Variants in GPANK1 observed in about 807,000 individuals in gnomAD.
GPANK1 encodes the protein G-patch domain and ankyrin repeats 1, also known as G patch domain and ankyrin repeat-containing protein 1.
Under a neutral mutation model 24.0 loss-of-function variants are expected in GPANK1, and 22 were observed. The ratio of observed to expected loss-of-function variants is 0.92; its 90% CI spans 0.66 to 1.31. GPANK1 has a LOEUF of 1.31. GPANK1 is among the 50% of genes most tolerant of loss of function. The pLI is 0.00. For synonymous variants in GPANK1, 174 were observed against 177.4 expected, an observed-to-expected ratio of 0.98 and a Z score of 0.15; for missense variants, 469 against 453.5, an observed-to-expected ratio of 1.03 and a Z score of -0.31.
chr6:31,665,033 G>A (rs1801455541), upstream of GPANK1: 2 of 280,898 alleles, frequency 7.1e-6, no homozygotes, highest in Non-Finnish European at 1.4e-5. Context: ...CAATCAAATA[G>A]CCACACGGCA....
rs377110820 is a variant in GPANK1 at position 31,664,440 on chromosome 6, A to G, written c.39T>C (p.Thr13=). 3.0e-5 allele frequency: 49 copies of G among 1,613,876 alleles called. No homozygotes were observed. In the Admixed American group the frequency reaches 8.0e-4, roughly 26 times the overall value. The change falls in exon 2 of 3, where the codon ACT becomes ACC. Residue 13 remains threonine (T), a synonymous_variant. Coordinates refer to ENST00000375896, the MANE Select transcript of GPANK1 (RefSeq NM_033177.4). ...CATCCTTCCAGAGGTCGCTGGGGTC[A>G]GTGGCTGGGGTGAAGGTGATGAGCA... is the stretch of plus-strand genomic sequence containing the variant. ...RPLLITFTPA[T]DPSDLWKDGQ...
upstream of GPANK1, chr6:31,666,132 G>A (rs1429325894): frequency 5.0e-6 from 5 of 993,326 alleles, no homozygotes; most frequent in Non-Finnish European, 6.0e-6. Context: ...TCCGCGGCCT[G>A]CGCTGTAGCG....
chr6:31,664,715 G>A, intron 1 of GPANK1, 126 bp downstream of exon 1: 1 of 543,354 alleles, frequency 1.8e-6, no homozygotes, highest in Non-Finnish European at 3.2e-6. Flanking sequence ...TTGCTCCTTA[G>A]TAAAGATTAA....
upstream of GPANK1, chr6:31,666,132 G>T (rs1429325894): frequency 1.1e-5 from 11 of 993,326 alleles, no homozygotes; most frequent in South Asian, 4.3e-5. Context: ...TCCGCGGCCT[G>T]CGCTGTAGCG....
At position 31,662,456 on chromosome 6, in the gene GPANK1, T is replaced by C. The variant is rs762415681; in HGVS notation, c.881A>G (p.Glu294Gly). The change falls in exon 3 of 3, where the codon GAA becomes GGA. Residue 294 changes from glutamate to glycine, a missense_variant. Glu to Gly is a moderately conservative substitution (Grantham distance 98, BLOSUM62 -2). Coordinates refer to ENST00000375896, the MANE Select transcript of GPANK1 (RefSeq NM_033177.4). The surrounding 1 kb of genome is among the most constrained non-coding windows in gnomAD (Gnocchi z 5.5). ...GGGTGCTGATCTGTAGCCTAGTCCTTCCTGGTCCCTCTTGAGGACAGTGGG... is the reference window on the plus strand; with the variant it reads ...GGGTGCTGATCTGTAGCCTAGTCCTCCCTGGTCCCTCTTGAGGACAGTGGG... ...PIPTVLKRDQ[E>G]GLGYRSAPQP... The C allele has an allele frequency of 6.2e-7, 1 of 1,611,724 alleles. No individual in the cohort carries two copies. Among genetic ancestry groups the C allele is most frequent in the South Asian group, 1.1e-5 (1 of 90,962 alleles).
Position 31,662,212 on chromosome 6 carries a change from T to C in GPANK1, c.*54A>G. ...GGAAGGGGAAGTCAAAGGGCCCAGG[T>C]CAGAGGCCCAAGTTCAGACTTCAGC... On this transcript the variant is annotated 3_prime_UTR_variant, in exon 3 of 3. Transcript: ENST00000375896. The surrounding 1 kb of genome is among the most constrained non-coding windows in gnomAD (Gnocchi z 5.5). 1 of 1,274,030 alleles carries C rather than the reference T, an allele frequency of 7.8e-7. No individual in the cohort carries two copies. The highest frequency in any genetic ancestry group is 1.1e-6 in the Non-Finnish European group (1 of 919,274). The allele number at this position is 1,274,030 out of a possible 1,614,324, so 78.9% of individuals were successfully genotyped here. A position where few individuals can be genotyped will look rare whatever the true frequency, so the allele number is the denominator to read the frequency against.
In GPANK1 at chr6:31,664,222, T is replaced by G. The variant is rs1426703494; in HGVS notation, c.257A>C (p.Glu86Ala). 1 of 1,614,008 alleles carries G rather than the reference T, an allele frequency of 6.2e-7. No homozygotes were observed. The highest frequency in any genetic ancestry group is 2.2e-5 in the East Asian group (1 of 44,894). ...TTGTCCATGTCTTCCTGATGCTCCT[T>G]CTGCCACTGCTTCTGCTGCTGGTGC... ...MKAPAAEAVAEGASGRHGQGR... is the reference protein window; with the variant it reads ...MKAPAAEAVAAGASGRHGQGR... The change falls in exon 2 of 3, where the codon GAA (glutamate) becomes GCA (alanine). Residue 86 changes from glutamate (E) to alanine (A), a missense_variant. Transcript: ENST00000375896.
At chr6:31,666,219 A>G, upstream of GPANK1, 1 of 989,526 alleles carries the variant, frequency 1.0e-6, no homozygotes, top group Non-Finnish European at 1.2e-6. Flanking sequence ...GTGAGTCTGA[A>G]GTCGTCGCTG....
chr6:31,666,028 C>A, upstream of GPANK1: 1 of 997,648 alleles, frequency 1.0e-6, no homozygotes, highest in Non-Finnish European at 1.2e-6. Flanking sequence ...CGGCATCCAC[C>A]GCGGCACCTG....
In GPANK1 at chr6:31,662,854, C is replaced by T. The variant is rs774972709; in HGVS notation, c.627-144G>A. The T allele has an allele frequency of 3.6e-6, 2 of 550,554 alleles. No homozygotes were observed. Among genetic ancestry groups the T allele is most frequent in the Non-Finnish European group, 3.2e-6 (1 of 315,590 alleles). 34.1% of individuals were successfully genotyped at this position (550,554 alleles called of 1,614,324 possible). ...ATTGCCAGCTAGGCATAGTGGCTCACGCCTGTAATCCCAACACTTTGGGAG... is the reference window on the plus strand; with the variant it reads ...ATTGCCAGCTAGGCATAGTGGCTCATGCCTGTAATCCCAACACTTTGGGAG... On this transcript the variant is annotated intron_variant, in intron 2 of 2. Coordinates refer to ENST00000375896, the MANE Select transcript of GPANK1 (RefSeq NM_033177.4). This position sits in a 1 kb window ranked among gnomAD's most constrained non-coding sequence, Gnocchi z 5.5.
Position 31,661,871 on chromosome 6 carries a change from T to C in GPANK1, c.*395A>G, listed in dbSNP as rs868480571. The C allele has an allele frequency of 4.9e-6, 1 of 204,214 alleles. No homozygotes were observed. The allele number at this position is 204,214 out of a possible 1,614,324, so 12.7% of individuals were successfully genotyped here. A position where few individuals can be genotyped will look rare whatever the true frequency, so the allele number is the denominator to read the frequency against. On this transcript the variant is annotated 3_prime_UTR_variant, in exon 3 of 3. Transcript: ENST00000375896. ...GAACTCCTCCTGGGGGAAGTGAGACTTGCACGAAGCTGGGCAATTCTTGGT... is the reference window on the plus strand; with the variant it reads ...GAACTCCTCCTGGGGGAAGTGAGACCTGCACGAAGCTGGGCAATTCTTGGT...
At position 31,664,255 on chromosome 6, in the gene GPANK1, A is replaced by T; in HGVS notation, c.224T>A (p.Ile75Lys). ...TGCTTCTGCTGCTGGTGCCTTCATT[A>T]TTCTTCTTTTCTTTCTCTTTCTTTC... ...ARERKRKKRR[I>K]MKAPAAEAVA... The change falls in exon 2 of 3, where the codon ATA becomes AAA. Residue 75 changes from isoleucine to lysine, a missense_variant. By Grantham distance (102) the Ile-to-Lys change is moderately radical. Transcript: ENST00000375896. The T allele has an allele frequency of 6.2e-7, 1 of 1,613,880 alleles. No homozygotes were observed. The highest frequency in any genetic ancestry group is 8.5e-7 in the Non-Finnish European group (1 of 1,179,796).
chr6:31,662,715 A>G lies in GPANK1; in HGVS notation c.627-5T>C. On this transcript the variant is annotated splice_polypyrimidine_tract_variant and splice_region_variant and intron_variant, in intron 2 of 2. Transcript: ENST00000375896. The surrounding 1 kb of genome is among the most constrained non-coding windows in gnomAD (Gnocchi z 5.5). ...TGGAGGGAGGGAGTAGGAGACCTGC[A>G]GAGAAAGAAGAAAAAGCATTAAGGG... 3 of 1,555,328 alleles carry G rather than the reference A, an allele frequency of 1.9e-6. No homozygotes were observed. Among genetic ancestry groups the G allele is most frequent in the Non-Finnish European group, 2.6e-6 (3 of 1,141,660 alleles).
chr6:31,664,643 A>G (rs1190345673), intron 1 of GPANK1, 66 bp from the exon 2 acceptor site: 2 of 610,636 alleles, frequency 3.3e-6, no homozygotes, highest in Non-Finnish European at 5.8e-6. Flanking sequence ...ACAACTTAGG[A>G]CTCTGCAGGG....
rs746976728 is a variant in GPANK1 at position 31,662,423 on chromosome 6, C to T, written c.914G>A (p.Arg305Gln). ...GLGYRSAPQP[R>Q]VTHFPAWDTR... ...ATCCCAAGCTGGGAAATGTGTCACT[C>T]GGGGCTGGGGTGCTGATCTGTAGCC... Residue 305 changes from arginine (R) to glutamine (Q), a missense_variant, in exon 3 of 3, where the codon CGA (arginine) becomes CAA (glutamine). By Grantham distance (43) the Arg-to-Gln change is conservative. Coordinates refer to ENST00000375896, the MANE Select transcript of GPANK1 (RefSeq NM_033177.4). This position sits in a 1 kb window ranked among gnomAD's most constrained non-coding sequence, Gnocchi z 5.5. 1.1e-5 allele frequency: 18 copies of T among 1,612,240 alleles called. No homozygotes were observed. Among genetic ancestry groups the T allele is most frequent in the Admixed American group, 5.0e-5 (3 of 59,886 alleles).
intron 2 of GPANK1, chr6:31,663,336 G>A (rs1801155177): frequency 6.5e-6 from 1 of 154,582 alleles, no homozygotes; most frequent in Non-Finnish European, 1.4e-5. Flanking sequence ...TGTTCACTCA[G>A]TTACAGATCA....
chr6:31,662,434 T>A lies in GPANK1; in HGVS notation c.903A>T (p.Ala301=), dbSNP rs762428772. 7.4e-6 allele frequency: 12 copies of A among 1,611,946 alleles called. No individual in the cohort carries two copies. In the Admixed American group the frequency reaches 1.8e-4, roughly 25 times the overall value. ...GGAAATGTGTCACTCGGGGCTGGGG[T>A]GCTGATCTGTAGCCTAGTCCTTCCT... is the stretch of plus-strand genomic sequence containing the variant. ...RDQEGLGYRS[A]PQPRVTHFPA... is the part of the protein sequence containing the mutation. The change falls in exon 3 of 3, where the codon GCA becomes GCT. Residue 301 remains alanine (A), a synonymous_variant. Coordinates refer to ENST00000375896, the MANE Select transcript of GPANK1 (RefSeq NM_033177.4). The surrounding 1 kb of genome is among the most constrained non-coding windows in gnomAD (Gnocchi z 5.5).
Position 31,662,646 on chromosome 6 carries a change from G to A in GPANK1, c.691C>T (p.Arg231Cys), listed in dbSNP as rs779931712. 1.6e-5 allele frequency: 25 copies of A among 1,612,400 alleles called. No individual in the cohort carries two copies. The highest frequency in any genetic ancestry group is 2.2e-5 in the East Asian group (1 of 44,880). ...GACAGCAGGTGAGCAGTGGATGTGC[G>A]GTGGTTGGAATCTTGGAAGTGGGTG... ...CDTHFQDSNH[R>C]TSTAHLLSLS... Residue 231 changes from arginine to cysteine, a missense_variant, in exon 3 of 3, where the codon CGC (arginine) becomes TGC (cysteine). By Grantham distance (180) the Arg-to-Cys change is radical (BLOSUM62 -3). Coordinates refer to ENST00000375896, the MANE Select transcript of GPANK1 (RefSeq NM_033177.4). This position sits in a 1 kb window ranked among gnomAD's most constrained non-coding sequence, Gnocchi z 5.5.
At position 31,664,553 on chromosome 6, in the gene GPANK1, C is replaced by T. The variant is rs1562035063; in HGVS notation, c.-75G>A. On this transcript the variant is annotated 5_prime_UTR_variant, in exon 2 of 3. Coordinates refer to ENST00000375896, the MANE Select transcript of GPANK1 (RefSeq NM_033177.4). The stretch of plus-strand genomic sequence containing the variant: ...CAAGTAAGCCAAGCTCGTGGTGACC[C>T]TGTAGCAACCACAGCCTCAGAGACC... 2.3e-5 allele frequency: 27 copies of T among 1,175,302 alleles called. No homozygotes were observed. The allele number at this position is 1,175,302 out of a possible 1,614,324, so 72.8% of individuals were successfully genotyped here.
Sources: gnomAD v4.1 joint callset for allele counts on GRCh38, gnomAD v4.1.1 for gene constraint, Gnocchi (gnomAD v3.1) non-coding constraint, MANE v1.5 for transcripts, NCBI Gene and HGNC (gene_info 2026-07-23, HGNC 2026-07-21) for gene names.